The following SLC22A15 variants were observed in gnomAD, a reference collection of about 807,000 sequenced individuals.
SLC22A15 encodes flipt 1.
In SLC22A15, 45 loss-of-function variants were observed where a neutral mutation model predicts 62.7. That is an observed-to-expected ratio of 0.72 (90% confidence interval 0.56 to 0.92). SLC22A15 has a LOEUF of 0.92. SLC22A15 is among the 40% of genes least tolerant of loss of function. The pLI, the probability that SLC22A15 is intolerant of heterozygous loss-of-function variation, is 0.00. For missense variants in SLC22A15, 622 were observed against 665.6 expected, an observed-to-expected ratio of 0.93 and a Z score of 0.72; for synonymous variants, 264 against 267.0, an observed-to-expected ratio of 0.99 and a Z score of 0.11.
At chr1:115,989,581 G>A (rs1412051512) in intron 1 of SLC22A15, among the ~76,000 whole-genome samples, 1 of 152,104 alleles carries the variant, frequency 6.6e-6, no homozygotes, top group East Asian at 1.9e-4. Context: ...AGGAGTTCAA[G>A]ACCAGCCTGG....
intron 1 of SLC22A15, 76 bp from the exon 2 acceptor site, chr1:115,991,955 T>C: frequency 7.9e-7 from 1 of 1,266,236 alleles, no homozygotes; most frequent in Non-Finnish European, 1.1e-6. Flanking sequence ...CTTTCAAGGT[T>C]TGCAAGCCTG....
At chr1:116,002,239 A>T (rs550889026) in intron 2 of SLC22A15, among the ~76,000 whole-genome samples, 3 of 152,328 alleles carry the variant, frequency 2.0e-5, no homozygotes, top group Admixed American at 1.3e-4. Context: ...TAGGGGAAGG[A>T]TGACATAAGC....
chr1:115,978,369 C>T (rs1654424998), intron 1 of SLC22A15, among the ~76,000 whole-genome samples: 1 of 152,028 alleles, frequency 6.6e-6, no homozygotes, highest in East Asian at 1.9e-4. Context: ...TATGGTTGAC[C>T]CAGTTAGTTA....
chr1:116,051,666 G>C (rs1470213331), intron 8 of SLC22A15, among the ~76,000 whole-genome samples: 1 of 152,186 alleles, frequency 6.6e-6, no homozygotes, highest in African/African-American at 2.4e-5. Context: ...AGGATTTCAT[G>C]ACCAAGAACT....
chr1:116,029,120 G>T (rs2101415248), intron 5 of SLC22A15, among the ~76,000 whole-genome samples: 1 of 152,138 alleles, frequency 6.6e-6, no homozygotes, highest in East Asian at 1.9e-4. Flanking sequence ...GTAGATCCTT[G>T]GACATTGCAC....
intron 4 of SLC22A15, among the ~76,000 whole-genome samples, chr1:116,024,638 T>C (rs1462965242): frequency 6.6e-6 from 1 of 152,112 alleles, no homozygotes; most frequent in African/African-American, 2.4e-5. Context: ...TAAGGGAAAA[T>C]CATTTGGTTA....
rs1285876786 is a variant in SLC22A15, at chr1:116,031,502, T to C, written c.865T>C (p.Cys289Arg). Residue 289 changes from cysteine to arginine, a missense_variant, in exon 6 of 12, where the codon TGC (cysteine) becomes CGC (arginine). By Grantham distance (180) the Cys-to-Arg change is radical. Coordinates refer to ENST00000369503, the MANE Select transcript of SLC22A15 (RefSeq NM_018420.3). ...FSLTHPANRS[C>R]RETGSFLDLF... ...ACTAACACACCCAGCCAACAGGAGC[T>C]GCAGGGAGACTGGAAGTTTCCTGGA... 2.5e-6 allele frequency: 4 copies of C among 1,613,910 alleles called. No individual in the cohort carries two copies. The African/African-American group carries it at 5.3e-5, about 22-fold the overall frequency.
chr1:116,044,661 G>T (rs1276481589), intron 8 of SLC22A15, among the ~76,000 whole-genome samples: 1 of 152,060 alleles, frequency 6.6e-6, no homozygotes, highest in African/African-American at 2.4e-5. Flanking sequence ...ATACAAAAAA[G>T]AAATCTGTAA....
chr1:116,064,553 T>C (rs757439811), intron 10 of SLC22A15, 45 bp downstream of exon 10: 2 of 1,288,662 alleles, frequency 1.6e-6, no homozygotes, highest in East Asian at 2.3e-5. Flanking sequence ...TTCTCTGCTT[T>C]GGAAATGCTT....
chr1:116,035,240 G>A lies in SLC22A15; in HGVS notation c.998G>A (p.Gly333Asp). 7.4e-6 allele frequency: 12 copies of A among 1,613,376 alleles called. No homozygotes were observed. Among genetic ancestry groups the A allele is most frequent in the African/African-American group, 1.3e-5 (1 of 75,000 alleles). ...YGLTLSAGDL[G>D]GSIYANLALS... ...CTAACTCTGAGTGCGGGTGATCTAG[G>A]TGGAAGTATTTATGCCAACCTGGCC... Residue 333 changes from glycine (G) to aspartate (D), a missense_variant, in exon 7 of 12, where the codon GGT becomes GAT. Gly to Asp is a moderately conservative substitution (Grantham distance 94). Transcript: ENST00000369503.
At chr1:116,058,261 A>T (rs1369996117) in intron 8 of SLC22A15, among the ~76,000 whole-genome samples, 1 of 152,180 alleles carries the variant, frequency 6.6e-6, no homozygotes, top group Non-Finnish European at 1.5e-5. Context: ...AAACTCAAAC[A>T]AATCAGTAAG....
chr1:116,066,878 T>C, intron 11 of SLC22A15, 141 bp from the exon 12 acceptor site: 5 of 935,848 alleles, frequency 5.3e-6, no homozygotes, highest in East Asian at 5.3e-5. Context: ...TCATTAGCTT[T>C]CCTAGAATAT....
chr1:115,979,331 G>A (rs1375041512), intron 1 of SLC22A15, among the ~76,000 whole-genome samples: 1 of 152,120 alleles, frequency 6.6e-6, no homozygotes, highest in Non-Finnish European at 1.5e-5. Flanking sequence ...ACAATTTTTG[G>A]AATCTCAATA....
chr1:116,033,557 CTGTG>C (rs752224418), intron 6 of SLC22A15, among the ~76,000 whole-genome samples: 49 of 149,558 alleles, frequency 3.3e-4, no homozygotes, highest in African/African-American at 9.9e-4. Flanking sequence ...AGGGGTGTCT[CTGTG>C]TGTGTGTGTG....
intron 8 of SLC22A15, among the ~76,000 whole-genome samples, chr1:116,050,277 A>G (rs536623436): frequency 6.6e-6 from 1 of 152,274 alleles, no homozygotes; most frequent in East Asian, 1.9e-4. Context: ...CAAAACCAGG[A>G]AAGGACATAA....
At chr1:116,003,458 T>A (rs1655832207) in intron 2 of SLC22A15, among the ~76,000 whole-genome samples, 1 of 152,180 alleles carries the variant, frequency 6.6e-6, no homozygotes, top group South Asian at 2.1e-4. Context: ...CCTAGAGCTC[T>A]TTAGCTTGCA....
chr1:115,979,946 T>A (rs1654532704), intron 1 of SLC22A15, among the ~76,000 whole-genome samples: 1 of 151,626 alleles, frequency 6.6e-6, no homozygotes, highest in Admixed American at 6.6e-5. Context: ...AATCTCATCT[T>A]AGATTCTGGT....
intron 8 of SLC22A15, among the ~76,000 whole-genome samples, chr1:116,052,018 G>T (rs1189441080): frequency 6.6e-6 from 1 of 152,228 alleles, no homozygotes; most frequent in Non-Finnish European, 1.5e-5. Context: ...TGAGGTACTG[G>T]GTTTATCTCA....
intron 2 of SLC22A15, among the ~76,000 whole-genome samples, chr1:115,999,575 C>T (rs1655611781): frequency 6.7e-6 from 1 of 150,272 alleles, no homozygotes; most frequent in Admixed American, 6.6e-5. Context: ...ATGATCTCAG[C>T]TTACTGCAAC....
Sources: allele counts gnomAD v4.1 joint callset (sites outside exome capture counted in the v4.1 genomes callset), GRCh38; gene constraint gnomAD v4.1.1; transcripts MANE v1.5; gene names NCBI Gene and HGNC (gene_info 2026-07-23, HGNC 2026-07-21).